The following GGA2 variants were observed in gnomAD, a reference collection of about 807,000 sequenced individuals.
GGA2 encodes golgi associated, gamma adaptin ear containing, ARF binding protein 2, also known as ADP-ribosylation factor-binding protein GGA2.
A neutral mutation model predicts 79.5 loss-of-function variants in GGA2; 48 were observed. The observed-to-expected ratio is 0.60, with a 90% CI of 0.48 to 0.77. The LOEUF (loss-of-function observed/expected upper bound fraction) is 0.77. Ranked by LOEUF, GGA2 falls within the 30% of genes least tolerant of loss-of-function variation. GGA2 has a pLI of 0.00. For synonymous variants in GGA2, 317 were observed against 302.0 expected (o/e 1.05, Z -0.51); for missense variants, 770 against 774.0 (o/e 0.99, Z 0.06).
Position 23,493,416 on chromosome 16 carries a change from T to A in GGA2, c.295A>T (p.Ser99Cys). The change falls in exon 4 of 17, where the codon AGC becomes TGC. Residue 99 changes from serine (S) to cysteine (C), a missense_variant. Coordinates refer to ENST00000309859, the MANE Select transcript of GGA2 (RefSeq NM_015044.4). ...CMNHCGEKFH[S>C]EVAKFRFLNE... Reference sequence around the variant, plus strand: ...AGGAAACGAAATTTGGCCACCTCGCTGTGGAACTTCTCCCCACAGTGGTTC... The same window carrying A: ...AGGAAACGAAATTTGGCCACCTCGCAGTGGAACTTCTCCCCACAGTGGTTC... 6.2e-7 allele frequency: 1 copy of A among 1,613,108 alleles called. No homozygotes were observed.
chr16:23,500,496 C>T (rs569973961), intron 1 of GGA2, among the ~76,000 whole-genome samples: 7 of 152,064 alleles, frequency 4.6e-5, no homozygotes, highest in South Asian at 4.2e-4. Context: ...AGATGGAACA[C>T]GCTGTTGCCC....
In GGA2 at chr16:23,510,453, T is replaced by C. The variant is rs1457596671; in HGVS notation, c.-42A>G. 3.8e-6 allele frequency: 3 copies of C among 780,552 alleles called. No individual in the cohort carries two copies. The highest frequency in any genetic ancestry group is 1.8e-5 in the African/African-American group (1 of 55,066). The allele number at this position is 780,552 out of a possible 1,614,324, so 48.4% of individuals were successfully genotyped here. On this transcript the variant is annotated 5_prime_UTR_variant, in exon 1 of 17. Coordinates refer to ENST00000309859, the MANE Select transcript of GGA2 (RefSeq NM_015044.4). ...CTGCGGCCGCGGGCGCCACTGCCTC[T>C]TCAGCCGCTGTAGCGTCCTGGCGCT...
chr16:23,482,821 G>A (rs560983063), intron 9 of GGA2, 102 bp downstream of exon 9: 22 of 781,728 alleles, frequency 2.8e-5, no homozygotes, highest in Non-Finnish European at 4.1e-5. Flanking sequence ...CCACGGAACC[G>A]AAAGTCCACT....
rs556181031 is a variant in GGA2 at position 23,492,238 on chromosome 16, G to A, written c.352-438C>T. Among the ~76,000 whole-genome samples, 4 of 152,308 alleles carry A rather than the reference G, an allele frequency of 2.6e-5. No individual in the cohort carries two copies. In the South Asian group the frequency reaches 8.3e-4, roughly 32 times the overall value. ...ACTAATGACTTACAGTGAGTGCCTA[G>A]AGAGCTTCAAGGGCTGGCCACTCCA... is the stretch of plus-strand genomic sequence containing the variant. On this transcript the variant is annotated intron_variant, in intron 4 of 16. Coordinates refer to ENST00000309859, the MANE Select transcript of GGA2 (RefSeq NM_015044.4).
upstream of GGA2, among the ~76,000 whole-genome samples, chr16:23,512,957 G>A (rs1191820198): frequency 6.6e-6 from 1 of 151,924 alleles, no homozygotes. Flanking sequence ...CGCCCACCTC[G>A]GCCTCCCAAA....
At chr16:23,469,040 A>T in intron 15 of GGA2, 44 bp from the exon 16 acceptor site, 1 of 1,174,848 alleles carries the variant, frequency 8.5e-7, no homozygotes, top group East Asian at 2.4e-5. Flanking sequence ...TCCTAACCAC[A>T]GCTTCTAGGA....
intron 4 of GGA2, 61 bp from the exon 5 acceptor site, chr16:23,491,861 A>G (rs1964793077): frequency 8.3e-7 from 1 of 1,198,866 alleles, no homozygotes; most frequent in Admixed American, 1.8e-5. Context: ...CCGACACTTT[A>G]ACTAAAGAGG....
intron 9 of GGA2, among the ~76,000 whole-genome samples, chr16:23,481,127 C>T (rs1171548746): frequency 6.6e-6 from 1 of 152,158 alleles, no homozygotes; most frequent in East Asian, 1.9e-4. Context: ...GCCTATAATC[C>T]CAGCATTTTG....
chr16:23,520,267 A>AAG (rs1567374742), intron 1 of GGA2, among the ~76,000 whole-genome samples: 1 of 151,872 alleles, frequency 6.6e-6, no homozygotes, highest in Non-Finnish European at 1.5e-5. Context: ...AAAAAAAAAA[A>AAG]AAAAGAACTT....
Position 23,494,371 on chromosome 16 carries a change from G to A in GGA2, c.184C>T (p.His62Tyr). 2 of 1,609,698 alleles carry A rather than the reference G, an allele frequency of 1.2e-6. No homozygotes were observed. The highest frequency in any genetic ancestry group is 1.7e-6 in the Non-Finnish European group (2 of 1,175,880). Residue 62 changes from histidine (H) to tyrosine (Y), a missense_variant, in exon 3 of 17, where the codon CAT (histidine) becomes TAT (tyrosine). Transcript: ENST00000309859. Reference protein sequence around the residue: ...QVNTDPNGPTHAPWLLAHKIQ... With the variant: ...QVNTDPNGPTYAPWLLAHKIQ... ...TTGTGGGCCAGTAGCCAGGGCGCAT[G>A]TGTGGGGCTACAGGGAAACAAAAAG...
At chr16:23,487,375 G>A (rs1964728690) in intron 6 of GGA2, among the ~76,000 whole-genome samples, 1 of 152,132 alleles carries the variant, frequency 6.6e-6, no homozygotes, top group African/African-American at 2.4e-5. Flanking sequence ...CACAACTAGA[G>A]AGGGGGTGCT....
upstream of GGA2, among the ~76,000 whole-genome samples, chr16:23,513,093 TG>T (rs1479932790): frequency 6.6e-6 from 1 of 152,188 alleles, no homozygotes; most frequent in Non-Finnish European, 1.5e-5. Context: ...CAACAAAACC[TG>T]GACGTGACTA....
chr16:23,476,942 A>C (rs534139625), intron 13 of GGA2, among the ~76,000 whole-genome samples: 2 of 152,260 alleles, frequency 1.3e-5, no homozygotes, highest in African/African-American at 4.8e-5. Context: ...AAAATGAGAA[A>C]AGGGAAGCAG....
intron 4 of GGA2, 34 bp downstream of exon 4, chr16:23,493,326 G>A (rs377623556): frequency 1.9e-5 from 24 of 1,257,106 alleles, no homozygotes; most frequent in African/African-American, 1.2e-4. Flanking sequence ...GCGTAGGTGC[G>A]ACACAGTCAG....
chr16:23,509,900 C>CT (rs964739835), intron 1 of GGA2, among the ~76,000 whole-genome samples: 1 of 151,874 alleles, frequency 6.6e-6, no homozygotes, highest in African/African-American at 2.4e-5. Flanking sequence ...TCTTGCACGA[C>CT]TGCGTCTCCT....
At chr16:23,488,464 C>T (rs542349367) in intron 6 of GGA2, 142 bp downstream of exon 6, 6 of 673,786 alleles carry the variant, frequency 8.9e-6, no homozygotes, top group Non-Finnish European at 1.6e-5. Flanking sequence ...AAACCTTCTG[C>T]TACCTCACTC....
At chr16:23,515,143 AGAGAT>A (rs1295573711), upstream of GGA2, among the ~76,000 whole-genome samples, 4 of 151,330 alleles carry the variant, frequency 2.6e-5, no homozygotes, top group African/African-American at 7.3e-5. Flanking sequence ...TTAATCTAAA[AGAGAT>A]AATATATATA....
At position 23,466,360 on chromosome 16, in the gene GGA2, A is replaced by G. The variant is rs952701377; in HGVS notation, c.*1230T>C. On this transcript the variant is annotated 3_prime_UTR_variant, in exon 17 of 17. Coordinates refer to ENST00000309859, the MANE Select transcript of GGA2 (RefSeq NM_015044.4). ...CACATTCAAGTTCCTAGCACACAGT[A>G]GGTGCTAAGTGGGAATTGATTATAA... 2.0e-5 allele frequency: 3 copies of G among 152,226 alleles called. No homozygotes were observed. The highest frequency in any genetic ancestry group is 7.2e-5 in the African/African-American group (3 of 41,460). 9.4% of individuals were successfully genotyped at this position (152,226 alleles called of 1,614,324 possible).
At chr16:23,512,079 C>T (rs550898604), upstream of GGA2, among the ~76,000 whole-genome samples, 16 of 152,134 alleles carry the variant, frequency 1.1e-4, no homozygotes, top group African/African-American at 2.9e-4. Context: ...GCTGTTGTGC[C>T]GTACCCCTAT....
Sources: gnomAD v4.1 joint callset for allele counts (sites outside exome capture counted in the v4.1 genomes callset) on GRCh38, gnomAD v4.1.1 for gene constraint, MANE v1.5 for transcripts, NCBI Gene and HGNC (gene_info 2026-07-23, HGNC 2026-07-21) for gene names.